Variants in CSGALNACT1 observed in about 807,000 individuals in gnomAD.
CSGALNACT1 encodes beta4GalNAcT-1.
In CSGALNACT1, 52 loss-of-function variants were observed where a neutral mutation model predicts 51.0. The observed-to-expected ratio is 1.02, with a 90% CI of 0.82 to 1.29. CSGALNACT1 has a LOEUF of 1.29. Ranked by LOEUF, CSGALNACT1 falls within the 50% of genes most tolerant of loss-of-function variation. The pLI, the probability that CSGALNACT1 is intolerant of heterozygous loss-of-function variation, is 0.00. For synonymous variants in CSGALNACT1, 341 were observed against 254.4 expected (o/e 1.34, Z -3.24); for missense variants, 935 against 679.2 (o/e 1.38, Z -4.19).
intron 1 of CSGALNACT1, among the ~76,000 whole-genome samples, chr8:19,654,391 C>T (rs1173881172): frequency 2.0e-5 from 3 of 152,134 alleles, no homozygotes; most frequent in African/African-American, 2.4e-5. Context: ...ATGTGTGTGA[C>T]GCACTGGAAA....
chr8:19,460,628 G>A (rs542175905), intron 4 of CSGALNACT1, among the ~76,000 whole-genome samples: 1 of 152,302 alleles, frequency 6.6e-6, no homozygotes, highest in African/African-American at 2.4e-5. Flanking sequence ...GACACTGTGT[G>A]GAGTTTCAGT....
At chr8:19,496,969 T>C (rs998024435) in intron 4 of CSGALNACT1, among the ~76,000 whole-genome samples, 1 of 152,084 alleles carries the variant, frequency 6.6e-6, no homozygotes. Context: ...CAAAACACTC[T>C]TCCCGGACCC....
chr8:19,596,479 A>G (rs1409081646), intron 2 of CSGALNACT1, among the ~76,000 whole-genome samples: 1 of 152,164 alleles, frequency 6.6e-6, no homozygotes, highest in Non-Finnish European at 1.5e-5. Context: ...TAAGTATCAT[A>G]CAAGTATTTC....
chr8:19,565,131 A>C (rs900618158), intron 3 of CSGALNACT1, among the ~76,000 whole-genome samples: 1 of 152,256 alleles, frequency 6.6e-6, no homozygotes, highest in Non-Finnish European at 1.5e-5. Context: ...CTGTATATAG[A>C]GAGAACAGAT....
intron 4 of CSGALNACT1, among the ~76,000 whole-genome samples, chr8:19,465,657 C>A (rs370638502): frequency 6.6e-6 from 1 of 152,212 alleles, no homozygotes; most frequent in Admixed American, 6.5e-5. Flanking sequence ...GCAAAGCCGT[C>A]TCTCTTCTTC....
At chr8:19,507,528 G>GAAAAAAACAAAAAAAA (rs2077580013) in intron 3 of CSGALNACT1, among the ~76,000 whole-genome samples, 1 of 74,890 alleles carries the variant, frequency 1.3e-5, no homozygotes, top group Non-Finnish European at 2.4e-5. Flanking sequence ...ATCTTAGCCA[G>GAAAAAAACAAAAAAAA]AAAAAAAAAA....
intron 1 of CSGALNACT1, among the ~76,000 whole-genome samples, chr8:19,673,891 C>A (rs574288568): frequency 6.6e-6 from 1 of 152,174 alleles, no homozygotes; most frequent in Admixed American, 6.5e-5. Flanking sequence ...CTATCCTGTG[C>A]CAGGCACTAT....
At chr8:19,585,940 C>T (rs143724801) in intron 3 of CSGALNACT1, among the ~76,000 whole-genome samples, 28 of 152,270 alleles carry the variant, frequency 1.8e-4, no homozygotes, top group African/African-American at 6.5e-4. Context: ...GGAACTGTGC[C>T]GATGCCCAGG....
intron 3 of CSGALNACT1, among the ~76,000 whole-genome samples, chr8:19,564,691 G>A (rs1242551913): frequency 6.6e-6 from 1 of 152,158 alleles, no homozygotes; most frequent in Non-Finnish European, 1.5e-5. Flanking sequence ...CCTTCAAGAG[G>A]CCTTCTTGGA....
intron 1 of CSGALNACT1, among the ~76,000 whole-genome samples, chr8:19,647,522 C>G (rs2057387698): frequency 6.6e-6 from 1 of 152,196 alleles, no homozygotes; most frequent in South Asian, 2.1e-4. Context: ...CATCTGAATA[C>G]TCTAAGAGAG....
At chr8:19,484,844 G>C (rs903972331) in intron 4 of CSGALNACT1, among the ~76,000 whole-genome samples, 1 of 152,152 alleles carries the variant, frequency 6.6e-6, no homozygotes, top group African/African-American at 2.4e-5. Flanking sequence ...CCTAATAAAA[G>C]GAGGACATTT....
intron 9 of CSGALNACT1, among the ~76,000 whole-genome samples, chr8:19,407,905 T>TTGTGTG (rs60746708): frequency 6.5e-4 from 73 of 112,788 alleles, no homozygotes; most frequent in African/African-American, 2.1e-3. Context: ...TGTATATGAA[T>TTGTGTG]TGTGTGTGTG....
intron 3 of CSGALNACT1, among the ~76,000 whole-genome samples, chr8:19,560,566 T>C (rs1200087287): frequency 6.6e-6 from 1 of 151,864 alleles, no homozygotes; most frequent in Non-Finnish European, 1.5e-5. Flanking sequence ...GATGGAAAAA[T>C]GACCCACTTC....
intron 5 of CSGALNACT1, among the ~76,000 whole-genome samples, chr8:19,445,233 C>T (rs1302753498): frequency 3.3e-5 from 5 of 152,202 alleles, no homozygotes; most frequent in African/African-American, 1.2e-4. Flanking sequence ...AATGCCTTAA[C>T]TTCCTCTGCC....
intron 1 of CSGALNACT1, among the ~76,000 whole-genome samples, chr8:19,625,923 T>C (rs2054392487): frequency 6.6e-6 from 1 of 152,194 alleles, no homozygotes; most frequent in African/African-American, 2.4e-5. Flanking sequence ...TCAGGCTAAA[T>C]AATCTCTAAA....
chr8:19,685,355 C>T (rs1018370011), upstream of CSGALNACT1, among the ~76,000 whole-genome samples: 1 of 152,108 alleles, frequency 6.6e-6, no homozygotes, highest in Non-Finnish European at 1.5e-5. Context: ...CAAAAATGAG[C>T]TGGGCTTGGT....
chr8:19,548,980 T>G (rs115342360), intron 3 of CSGALNACT1, among the ~76,000 whole-genome samples: 3,201 of 152,018 alleles, frequency 0.021, 95 homozygotes, highest in African/African-American at 0.066. Context: ...CACCATGCCT[T>G]ATACTCTTTG....
intron 1 of CSGALNACT1, among the ~76,000 whole-genome samples, chr8:19,634,688 A>G (rs2055778178): frequency 6.6e-6 from 1 of 152,180 alleles, no homozygotes; most frequent in Non-Finnish European, 1.5e-5. Context: ...AGATGAGACA[A>G]CAGAGCTTGC....
At chr8:19,479,300 A>G (rs373213075) in intron 4 of CSGALNACT1, among the ~76,000 whole-genome samples, 12 of 152,114 alleles carry the variant, frequency 7.9e-5, no homozygotes, top group African/African-American at 2.7e-4. Context: ...AACACACTCC[A>G]TTGTCTTTGG....
Sources: gnomAD v4.1 joint callset for allele counts (sites outside exome capture counted in the v4.1 genomes callset) on GRCh38, gnomAD v4.1.1 for gene constraint, MANE v1.5 for transcripts, NCBI Gene and HGNC (gene_info 2026-07-23, HGNC 2026-07-21) for gene names.